Variants in ZNF148 observed in about 807,000 individuals in gnomAD.
ZNF148 encodes Beta-Enolase Repressor Factor-1.
In ZNF148, 7 loss-of-function variants were observed where a neutral mutation model predicts 67.7. That is an observed-to-expected ratio of 0.10 (90% CI 0.06 to 0.19). ZNF148 has a LOEUF of 0.19. ZNF148 is among the 10% of genes least tolerant of loss of function. ZNF148 has a pLI of 1.00. For missense variants in ZNF148, 583 were observed against 947.1 expected (o/e 0.62, Z 5.05); for synonymous variants, 333 against 330.7 (o/e 1.01, Z -0.08).
Position 125,233,695 on chromosome 3 carries a change from T to C in ZNF148, c.1031A>G (p.Asp344Gly), listed in dbSNP as rs1420954929. ...DKSDLKKDKN[D>G]YLPLYSSSTK... is the part of the protein sequence containing the mutation. ...ACTTGAAGAATAAAGAGGCAAGTAA[T>C]CATTTTTGTCTTTTTTCAGGTCAGA... Residue 344 changes from aspartate to glycine, a missense_variant, in exon 9 of 9, where the codon GAT (aspartate) becomes GGT (glycine). Coordinates refer to ENST00000360647, the MANE Select transcript of ZNF148 (RefSeq NM_021964.3). The surrounding 1 kb of genome is among the most constrained non-coding windows in gnomAD (Gnocchi z 5.1). The C allele has an allele frequency of 4.3e-6, 7 of 1,613,776 alleles. No individual in the cohort carries two copies. Among genetic ancestry groups the C allele is most frequent in the Non-Finnish European group, 5.9e-6 (7 of 1,179,888 alleles).
At chr3:125,361,363 C>T (rs942943672) in intron 1 of ZNF148, among the ~76,000 whole-genome samples, 1 of 151,998 alleles carries the variant, frequency 6.6e-6, no homozygotes, top group Admixed American at 6.6e-5. Flanking sequence ...TCCAGAACAC[C>T]CTCCTATTTC....
intron 1 of ZNF148, among the ~76,000 whole-genome samples, chr3:125,353,275 AAGG>A (rs1451506655): frequency 6.6e-6 from 1 of 152,172 alleles, no homozygotes; most frequent in Non-Finnish European, 1.5e-5. Flanking sequence ...GCCAGGGTAC[AAGG>A]AGGAGTGTTG....
intron 3 of ZNF148, among the ~76,000 whole-genome samples, chr3:125,320,953 G>A (rs1490801469): frequency 6.6e-6 from 1 of 152,072 alleles, no homozygotes; most frequent in Non-Finnish European, 1.5e-5. Flanking sequence ...CAGATCATTT[G>A]GTGAGATGAA....
At chr3:125,312,490 G>A (rs1019284359) in intron 4 of ZNF148, among the ~76,000 whole-genome samples, 6 of 152,132 alleles carry the variant, frequency 3.9e-5, no homozygotes, top group Admixed American at 1.3e-4. Flanking sequence ...GAGAAGCATC[G>A]TACAAGTAAA....
intron 4 of ZNF148, among the ~76,000 whole-genome samples, chr3:125,300,840 A>C (rs7625154): frequency 0.011 from 1,674 of 152,356 alleles, 29 homozygotes; most frequent in African/African-American, 0.038. Flanking sequence ...AATACAGAAC[A>C]TAAGTCCTTC....
intron 2 of ZNF148, among the ~76,000 whole-genome samples, chr3:125,326,000 G>A (rs1463125510): frequency 6.6e-6 from 1 of 152,084 alleles, no homozygotes; most frequent in Non-Finnish European, 1.5e-5. Context: ...GAAAGACAGG[G>A]AAATCACATA....
chr3:125,332,013 A>C (rs1372293351), intron 1 of ZNF148, among the ~76,000 whole-genome samples: 1 of 152,220 alleles, frequency 6.6e-6, no homozygotes, highest in Non-Finnish European at 1.5e-5. Flanking sequence ...TCCTAATACA[A>C]GTTTAGGGAT....
At chr3:125,332,000 C>G (rs1025080508) in intron 1 of ZNF148, among the ~76,000 whole-genome samples, 6 of 152,136 alleles carry the variant, frequency 3.9e-5, no homozygotes. Flanking sequence ...TTTTATGTAA[C>G]AGTCCTAATA....
chr3:125,286,931 A>G (rs977754911), intron 5 of ZNF148, among the ~76,000 whole-genome samples: 1 of 152,210 alleles, frequency 6.6e-6, no homozygotes, highest in Non-Finnish European at 1.5e-5. Context: ...AAATAGTGGT[A>G]TGCTGGCAAA....
chr3:125,254,806 C>A (rs1937000531), intron 7 of ZNF148, among the ~76,000 whole-genome samples: 1 of 152,070 alleles, frequency 6.6e-6, no homozygotes, highest in Non-Finnish European at 1.5e-5. Flanking sequence ...TAACTCTTTA[C>A]ATGAAAGTAT....
chr3:125,262,380 C>T (rs534422596), intron 7 of ZNF148, among the ~76,000 whole-genome samples: 10 of 152,274 alleles, frequency 6.6e-5, no homozygotes, highest in Admixed American at 2.0e-4. Flanking sequence ...CAAAATCTGA[C>T]GAAATTGTAG....
chr3:125,365,759 A>G (rs937977651), intron 1 of ZNF148, among the ~76,000 whole-genome samples: 6 of 152,198 alleles, frequency 3.9e-5, no homozygotes, highest in African/African-American at 1.4e-4. Flanking sequence ...TAGAGGCTGC[A>G]GTGAGCTGCT....
intron 7 of ZNF148, among the ~76,000 whole-genome samples, chr3:125,265,272 T>C (rs1937509000): frequency 6.6e-6 from 1 of 152,226 alleles, no homozygotes; most frequent in African/African-American, 2.4e-5. Flanking sequence ...GCATCAAGTA[T>C]TGCTTTTAGT....
chr3:125,282,523 AGT>A (rs1196579572), intron 5 of ZNF148, among the ~76,000 whole-genome samples: 1 of 152,184 alleles, frequency 6.6e-6, no homozygotes, highest in Non-Finnish European at 1.5e-5. Flanking sequence ...GGTTTTAGCA[AGT>A]GGAGAAATTA....
intron 7 of ZNF148, among the ~76,000 whole-genome samples, chr3:125,270,771 G>A (rs1937690235): frequency 6.6e-6 from 1 of 152,154 alleles, no homozygotes; most frequent in African/African-American, 2.4e-5. Context: ...GAAACTCAAG[G>A]AAGCTAAGGC....
At chr3:125,305,471 GTAAC>G (rs1002985612) in intron 4 of ZNF148, among the ~76,000 whole-genome samples, 3 of 152,132 alleles carry the variant, frequency 2.0e-5, no homozygotes, top group African/African-American at 7.2e-5. Flanking sequence ...CTCTCTCCCA[GTAAC>G]TAACAGAACA....
At chr3:125,290,929 T>G (rs1464502715) in intron 4 of ZNF148, among the ~76,000 whole-genome samples, 1 of 152,144 alleles carries the variant, frequency 6.6e-6, no homozygotes, top group East Asian at 1.9e-4. Context: ...TTAGCACATA[T>G]ATCCCCCCTT....
chr3:125,262,348 T>C (rs879850701), intron 7 of ZNF148, among the ~76,000 whole-genome samples: 1 of 152,248 alleles, frequency 6.6e-6, no homozygotes, highest in Non-Finnish European at 1.5e-5. Flanking sequence ...ATGAAAACTT[T>C]CTTTGCACTT....
At position 125,304,831 on chromosome 3, in the gene ZNF148, C is replaced by T. The variant is rs530412729; in HGVS notation, c.333+8477G>A. On this transcript the variant is annotated intron_variant, in intron 4 of 8. Coordinates refer to ENST00000360647, the MANE Select transcript of ZNF148 (RefSeq NM_021964.3). The stretch of plus-strand genomic sequence containing the variant: ...CACCCAGACCTTGGCTTCTAAATAC[C>T]ATTCTCCACTAAAATGAACTAGGGG... Among the ~76,000 whole-genome samples the T allele has an allele frequency of 9.2e-5, 14 of 152,284 alleles. No homozygotes were observed. In the East Asian group the frequency reaches 2.7e-3, roughly 29 times the overall value.
Sources: gnomAD v4.1 joint callset for allele counts (sites outside exome capture counted in the v4.1 genomes callset) on GRCh38, gnomAD v4.1.1 for gene constraint, Gnocchi (gnomAD v3.1) non-coding constraint, MANE v1.5 for transcripts, NCBI Gene and HGNC (gene_info 2026-07-23, HGNC 2026-07-21) for gene names.